The following KCNN2 variants were observed in gnomAD, a reference collection of about 807,000 sequenced individuals.
KCNN2 encodes small conductance calcium-activated potassium channel protein 2.
A neutral mutation model predicts 55.5 loss-of-function variants in KCNN2; 24 were observed. That is an observed-to-expected ratio of 0.43 (90% confidence interval 0.31 to 0.61). The LOEUF (loss-of-function observed/expected upper bound fraction) is 0.61, where lower values mean the gene tolerates loss of function less well. Ranked by LOEUF, KCNN2 falls within the 20% of genes least tolerant of loss-of-function variation. The pLI is 0.08. For synonymous variants in KCNN2, 431 were observed against 336.1 expected, an observed-to-expected ratio of 1.28 and a Z score of -3.09; for missense variants, 754 against 853.6, an observed-to-expected ratio of 0.88 and a Z score of 1.45.
intron 2 of KCNN2, among the ~76,000 whole-genome samples, chr5:114,386,535 ATCT>A (rs1315440079): frequency 6.6e-6 from 1 of 152,178 alleles, no homozygotes; most frequent in African/African-American, 2.4e-5. Context: ...CAGATTTTTT[ATCT>A]TATTTGCCAA....
intron 1 of KCNN2, among the ~76,000 whole-genome samples, chr5:114,105,785 A>C (rs76935625): frequency 0.011 from 1,640 of 152,140 alleles, 36 homozygotes; most frequent in African/African-American, 0.037. Flanking sequence ...GACTGTGGTA[A>C]GTCCTCAGTC....
chr5:114,474,032 A>G (rs1761865185), intron 5 of KCNN2, among the ~76,000 whole-genome samples: 1 of 152,216 alleles, frequency 6.6e-6, no homozygotes, highest in South Asian at 2.1e-4. Flanking sequence ...CTACTGCTCA[A>G]TGTGGAATGC....
intron 2 of KCNN2, among the ~76,000 whole-genome samples, chr5:114,317,313 G>A (rs183761036): frequency 2.0e-5 from 3 of 151,412 alleles, no homozygotes; most frequent in South Asian, 2.1e-4. Flanking sequence ...AGCTTATATC[G>A]TCGGACCTGC....
At chr5:114,177,898 A>T (rs2112550140) in intron 1 of KCNN2, among the ~76,000 whole-genome samples, 1 of 152,308 alleles carries the variant, frequency 6.6e-6, no homozygotes, top group South Asian at 2.1e-4. Context: ...AATAAAAATA[A>T]AAATAGATTT....
At chr5:114,146,564 C>G (rs1445488601) in intron 1 of KCNN2, among the ~76,000 whole-genome samples, 1 of 152,152 alleles carries the variant, frequency 6.6e-6, no homozygotes, top group Non-Finnish European at 1.5e-5. Flanking sequence ...AAGGTGTCAA[C>G]TGTGACATGC....
chr5:114,159,629 G>A (rs1166588263), intron 1 of KCNN2, among the ~76,000 whole-genome samples: 1 of 152,044 alleles, frequency 6.6e-6, no homozygotes, highest in Admixed American at 6.6e-5. Flanking sequence ...AGTCCATCTG[G>A]TCCTGGACTT....
At chr5:114,093,066 A>T (rs754972668) in intron 1 of KCNN2, among the ~76,000 whole-genome samples, 6 of 152,104 alleles carry the variant, frequency 3.9e-5, no homozygotes, top group Non-Finnish European at 7.4e-5. Context: ...CATTGTCAGG[A>T]TGCAGATTTT....
chr5:114,195,515 T>C (rs1753536614), intron 1 of KCNN2, among the ~76,000 whole-genome samples: 1 of 152,064 alleles, frequency 6.6e-6, no homozygotes, highest in Admixed American at 6.6e-5. Flanking sequence ...CAATAGATTT[T>C]TGTATATTTA....
intron 2 of KCNN2, among the ~76,000 whole-genome samples, chr5:114,295,736 A>G (rs1215528493): frequency 3.3e-5 from 5 of 152,106 alleles, no homozygotes; most frequent in African/African-American, 9.7e-5. Context: ...GGCACTCCCT[A>G]GTGAGATGAA....
chr5:114,068,638 G>C (rs1354822701), intron 1 of KCNN2, among the ~76,000 whole-genome samples: 2 of 152,162 alleles, frequency 1.3e-5, no homozygotes, highest in African/African-American at 4.8e-5. Context: ...CAGAAGCTCT[G>C]CCTCTCCCAG....
intron 2 of KCNN2, among the ~76,000 whole-genome samples, chr5:114,278,752 C>T (rs993733005): frequency 6.6e-5 from 10 of 152,144 alleles, no homozygotes; most frequent in Non-Finnish European, 1.0e-4. Flanking sequence ...AGGAGTGTAC[C>T]GCTCCTCCAG....
upstream of KCNN2, among the ~76,000 whole-genome samples, chr5:114,358,462 A>T (rs550628133): frequency 5.3e-5 from 8 of 152,334 alleles, no homozygotes; most frequent in South Asian, 1.2e-3. Flanking sequence ...AAAATAGGCA[A>T]TTTTTATTAA....
intron 5 of KCNN2, among the ~76,000 whole-genome samples, chr5:114,474,129 T>C (rs1034190829): frequency 6.6e-6 from 1 of 152,216 alleles, no homozygotes; most frequent in Non-Finnish European, 1.5e-5. Flanking sequence ...CAAGCATAGT[T>C]CCAACTTCCA....
chr5:114,350,131 T>C, intron 2 of KCNN2, among the ~76,000 whole-genome samples: 1 of 152,070 alleles, frequency 6.6e-6, no homozygotes, highest in Middle Eastern at 3.4e-3. Flanking sequence ...TTATTTGCAA[T>C]TGACACAGAA....
In KCNN2 at chr5:114,487,110, C is replaced by T. The variant is rs769067817; in HGVS notation, c.1951C>T (p.Leu651=). 1 of 1,612,750 alleles carries T rather than the reference C, an allele frequency of 6.2e-7. No homozygotes were observed. Among genetic ancestry groups the T allele is most frequent in the Admixed American group, 1.7e-5 (1 of 59,952 alleles). The change falls in exon 6 of 8, where the codon CTA becomes TTA. Residue 651 remains leucine (L), a synonymous_variant. Coordinates refer to ENST00000673685, the MANE Select transcript of KCNN2 (RefSeq NM_021614.4). ...ATGGCTAATTTACAAAAATACAAAGCTAGTGAAAAAGATAGATCATGCAAA... is the reference window on the plus strand; with the variant it reads ...ATGGCTAATTTACAAAAATACAAAGTTAGTGAAAAAGATAGATCATGCAAA... ...ETWLIYKNTK[L]VKKIDHAKVR...
intron 1 of KCNN2, among the ~76,000 whole-genome samples, chr5:114,198,422 A>C (rs1300157798): frequency 2.0e-5 from 3 of 146,736 alleles, no homozygotes; most frequent in Non-Finnish European, 3.0e-5. Context: ...ACATATACGT[A>C]TATATGTGTA....
chr5:114,437,031 G>A (rs1399905714), intron 3 of KCNN2, among the ~76,000 whole-genome samples: 1 of 151,900 alleles, frequency 6.6e-6, no homozygotes, highest in East Asian at 1.9e-4. Flanking sequence ...TCTATAAAAT[G>A]TGTGTGTGTT....
chr5:114,209,906 C>T (rs1753846062), intron 1 of KCNN2, among the ~76,000 whole-genome samples: 1 of 150,182 alleles, frequency 6.7e-6, no homozygotes, highest in African/African-American at 2.5e-5. Flanking sequence ...TTCACCTACT[C>T]ACTAAAATTT....
intron 3 of KCNN2, among the ~76,000 whole-genome samples, chr5:114,416,701 A>G (rs1031894178): frequency 3.9e-5 from 6 of 152,200 alleles, no homozygotes; most frequent in African/African-American, 1.4e-4. Flanking sequence ...CATATAAAAT[A>G]TACTGTTTCA....
Sources: allele counts gnomAD v4.1 joint callset (sites outside exome capture counted in the v4.1 genomes callset), GRCh38; gene constraint gnomAD v4.1.1; transcripts MANE v1.5; gene names NCBI Gene and HGNC (gene_info 2026-07-23, HGNC 2026-07-21).